The following HACD3 variants were observed in gnomAD, a reference collection of about 807,000 sequenced individuals.
HACD3 encodes 3-hydroxyacyl-CoA dehydratase 3, also known as very-long-chain (3R)-3-hydroxyacyl-CoA dehydratase 3.
HACD3 carries 30 observed loss-of-function variants against 55.2 expected under a neutral mutation model. The observed-to-expected ratio is 0.54, with a 90% confidence interval of 0.41 to 0.74. The LOEUF (loss-of-function observed/expected upper bound fraction) is 0.74. Ranked by LOEUF, HACD3 falls within the 30% of genes least tolerant of loss-of-function variation. HACD3 has a pLI of 0.00. For missense variants in HACD3, 363 were observed against 440.1 expected (o/e 0.82, Z 1.57); for synonymous variants, 141 against 151.7 (o/e 0.93, Z 0.52).
intron 10 of HACD3, among the ~76,000 whole-genome samples, chr15:65,575,922 A>G (rs1164878007): frequency 6.6e-6 from 1 of 152,072 alleles, no homozygotes; most frequent in Non-Finnish European, 1.5e-5. Context: ...GTGAAACCCC[A>G]CCTCTACTAA....
At chr15:65,544,990 C>T (rs1002882498) in intron 1 of HACD3, among the ~76,000 whole-genome samples, 1 of 150,752 alleles carries the variant, frequency 6.6e-6, no homozygotes, top group Non-Finnish European at 1.5e-5. Flanking sequence ...CATTGCACTC[C>T]AGCCTGGGCA....
chr15:65,544,869 A>G (rs1011562417), intron 1 of HACD3, among the ~76,000 whole-genome samples: 1 of 152,068 alleles, frequency 6.6e-6, no homozygotes, highest in Non-Finnish European at 1.5e-5. Context: ...TAAAAATACA[A>G]AATTAGCCGG....
intron 1 of HACD3, among the ~76,000 whole-genome samples, chr15:65,532,840 A>G (rs1186076472): frequency 1.3e-5 from 2 of 152,170 alleles, no homozygotes; most frequent in East Asian, 1.9e-4. Context: ...CATGTAAGGT[A>G]GTACAGATTT....
chr15:65,556,837 G>A lies in HACD3; in HGVS notation c.303G>A (p.Leu101=). The change falls in exon 4 of 11, where the codon CTG becomes CTA. Residue 101 remains leucine, a synonymous_variant. Transcript: ENST00000261875. ...ERLTKQEKRP[L]FLAPDFDRWL... Reference sequence around the variant, plus strand: ...TCACAAAGCAGGAAAAGCGACCACTGTTTTTGGCTCCTGACTTTGATCGTT... The same window carrying A: ...TCACAAAGCAGGAAAAGCGACCACTATTTTTGGCTCCTGACTTTGATCGTT... 2 of 1,613,058 alleles carry A rather than the reference G, an allele frequency of 1.2e-6. No homozygotes were observed. Among genetic ancestry groups the A allele is most frequent in the South Asian group, 2.2e-5 (2 of 90,776 alleles).
At chr15:65,576,205 G>A in intron 10 of HACD3, 98 bp from the exon 11 acceptor site, 1 of 1,502,716 alleles carries the variant, frequency 6.7e-7, no homozygotes, top group South Asian at 1.3e-5. Flanking sequence ...TTTTTGCTGT[G>A]GAATATGACG....
chr15:65,562,632 G>A, intron 5 of HACD3, 142 bp from the exon 6 acceptor site: 1 of 1,081,578 alleles, frequency 9.2e-7, no homozygotes, highest in Non-Finnish European at 1.3e-6. Flanking sequence ...AGGCTGGTGA[G>A]GACCTGGACC....
chr15:65,557,987 C>G (rs895803449), intron 4 of HACD3, among the ~76,000 whole-genome samples: 6 of 145,500 alleles, frequency 4.1e-5, no homozygotes, highest in African/African-American at 1.3e-4. Context: ...GCAGTATAAG[C>G]TGCTCCAGGC....
At chr15:65,568,047 C>T (rs773014014) in intron 7 of HACD3, among the ~76,000 whole-genome samples, 7 of 151,836 alleles carry the variant, frequency 4.6e-5, no homozygotes, top group Non-Finnish European at 8.8e-5. Context: ...CTCAGCCTCC[C>T]GAGTAGCTAG....
At chr15:65,539,043 A>G (rs1255672891) in intron 1 of HACD3, among the ~76,000 whole-genome samples, 1 of 152,156 alleles carries the variant, frequency 6.6e-6, no homozygotes, top group Non-Finnish European at 1.5e-5. Context: ...TGTGTGACTC[A>G]CTTTATTGTG....
chr15:65,547,321 T>C (rs2072087674), intron 1 of HACD3, among the ~76,000 whole-genome samples: 2 of 152,308 alleles, frequency 1.3e-5, no homozygotes, highest in Admixed American at 1.3e-4. Context: ...TTCACCATAT[T>C]GGTCAGGCTG....
chr15:65,538,731 G>A lies in HACD3; in HGVS notation c.87+8013G>A, dbSNP rs915820632. ...ATGCTGCAAAGAAATCTTTAGTGAA[G>A]GAAAGACTCAATCAATGAGACAAAC... On this transcript the variant is annotated intron_variant, in intron 1 of 10. Transcript: ENST00000261875. Among the ~76,000 whole-genome samples, 11 of 152,272 alleles carry A rather than the reference G, an allele frequency of 7.2e-5. No homozygotes were observed. The East Asian group carries it at 1.9e-3, about 27-fold the overall frequency.
At chr15:65,549,237 A>G (rs1193419676) in intron 1 of HACD3, among the ~76,000 whole-genome samples, 1 of 152,142 alleles carries the variant, frequency 6.6e-6, no homozygotes, top group African/African-American at 2.4e-5. Flanking sequence ...CATTTGCTCA[A>G]CTAAGTGAAC....
chr15:65,569,301 C>G lies in HACD3; in HGVS notation c.661-790C>G, dbSNP rs28527467. Among the ~76,000 whole-genome samples, 176 of 151,126 alleles carry G rather than the reference C, an allele frequency of 1.2e-3. 2 individuals are homozygous for G. The highest frequency in any genetic ancestry group is 7.3e-3 in the South Asian group (35 of 4,780). ...ATAGATGAGTCTCTGGCCCGTAACTCTGAGTAAGAAGTAGTCACAGAATGA... is the reference window on the plus strand; with the variant it reads ...ATAGATGAGTCTCTGGCCCGTAACTGTGAGTAAGAAGTAGTCACAGAATGA... On this transcript the variant is annotated intron_variant, in intron 7 of 10. Transcript: ENST00000261875.
chr15:65,565,837 A>G (rs944651919), intron 7 of HACD3: 2 of 152,112 alleles, frequency 1.3e-5, no homozygotes, highest in African/African-American at 4.8e-5. Context: ...TTTCTTTTCT[A>G]CTGAATCATC....
At chr15:65,567,183 G>A (rs2072300558) in intron 7 of HACD3, among the ~76,000 whole-genome samples, 1 of 152,110 alleles carries the variant, frequency 6.6e-6, no homozygotes, top group African/African-American at 2.4e-5. Flanking sequence ...TGCCAGGCAT[G>A]GTGATGTGCA....
chr15:65,577,305 T>C lies in HACD3; in HGVS notation c.*926T>C, dbSNP rs1209673350. The C allele has an allele frequency of 6.6e-6, 1 of 152,056 alleles. No homozygotes were observed. Among genetic ancestry groups the C allele is most frequent in the Admixed American group, 6.6e-5 (1 of 15,248 alleles). The allele number at this position is 152,056 out of a possible 1,614,324, so 9.4% of individuals were successfully genotyped here. ...GCTGGGTGTGATGGCACACACCTGT[T>C]GTCCCAGCTACTCAAGAAGCTGAGA... On this transcript the variant is annotated 3_prime_UTR_variant, in exon 11 of 11. Transcript: ENST00000261875.
chr15:65,548,307 G>A (rs3890482), intron 1 of HACD3, among the ~76,000 whole-genome samples: 97,965 of 151,668 alleles, frequency 0.65, 34,690 homozygotes, highest in East Asian at 0.93. Context: ...CCAGGAGTTC[G>A]GGACCAGCCT....
rs1297511395 is a variant in HACD3 at position 65,577,468 on chromosome 15, C to A, written c.*1089C>A. 2 of 152,588 alleles carry A rather than the reference C, an allele frequency of 1.3e-5. No homozygotes were observed. The highest frequency in any genetic ancestry group is 2.9e-5 in the Non-Finnish European group (2 of 68,474). The allele number at this position is 152,588 out of a possible 1,614,324, so 9.5% of individuals were successfully genotyped here. A position where few individuals can be genotyped will look rare whatever the true frequency, so the allele number is the denominator to read the frequency against. On this transcript the variant is annotated 3_prime_UTR_variant, in exon 11 of 11. Coordinates refer to ENST00000261875, the MANE Select transcript of HACD3 (RefSeq NM_016395.4). ...ACACACAAACACACATACACACACA[C>A]ACACACGAGGTCCAAATGGTAGCAG...
Position 65,542,783 on chromosome 15 carries a change from T to TA in HACD3, c.88-8885dup, listed in dbSNP as rs201911848. On this transcript the variant is annotated intron_variant, in intron 1 of 10. Transcript: ENST00000261875. ...TACATATTCAAAGATAAAATTGTCT[T>TA]AAAAAAAACAGGCCGGGCTTGGTGG... is the stretch of plus-strand genomic sequence containing the variant. Among the ~76,000 whole-genome samples, 759 of 151,572 alleles carry TA rather than the reference T, an allele frequency of 5.0e-3. 4 individuals carry two copies. Among genetic ancestry groups the TA allele is most frequent in the East Asian group, 0.016 (82 of 5,156 alleles).
Sources: allele counts gnomAD v4.1 joint callset (sites outside exome capture counted in the v4.1 genomes callset), GRCh38; gene constraint gnomAD v4.1.1; transcripts MANE v1.5; gene names NCBI Gene and HGNC (gene_info 2026-07-23, HGNC 2026-07-21).